Variants in GRIN2A observed in about 807,000 individuals in gnomAD.
The protein encoded by GRIN2A is glutamate receptor ionotropic, NMDA 2A.
Under a neutral mutation model 113.4 loss-of-function variants are expected in GRIN2A, and 22 were observed. The ratio of observed to expected loss-of-function variants is 0.19; its 90% CI spans 0.14 to 0.28. The LOEUF is 0.28. Ranked by LOEUF, GRIN2A falls within the 10% of genes least tolerant of loss-of-function variation. The probability of loss-of-function intolerance (pLI) is 1.00; values close to 1 mark genes in which losing one functional copy is unlikely to be tolerated. For synonymous variants in GRIN2A, 827 were observed against 738.4 expected, an observed-to-expected ratio of 1.12 and a Z score of -1.94; for missense variants, 1,502 against 1,887.0, an observed-to-expected ratio of 0.80 and a Z score of 3.78.
intron 2 of GRIN2A, among the ~76,000 whole-genome samples, chr16:10,038,936 C>T (rs1183093537): frequency 6.6e-6 from 1 of 152,006 alleles, no homozygotes; most frequent in East Asian, 1.9e-4. Flanking sequence ...ATAATTGCAA[C>T]TAGTCCTTCA....
chr16:9,964,387 G>T (rs902692209), intron 2 of GRIN2A, among the ~76,000 whole-genome samples: 2 of 152,144 alleles, frequency 1.3e-5, no homozygotes, highest in Non-Finnish European at 2.9e-5. Context: ...TGAGGTTCTT[G>T]TGACAATTTA....
chr16:10,092,528 C>G (rs1474598334), intron 2 of GRIN2A, among the ~76,000 whole-genome samples: 7 of 152,176 alleles, frequency 4.6e-5, no homozygotes, highest in African/African-American at 1.7e-4. Context: ...ATTTTTTTCT[C>G]TCAATGATTT....
At chr16:9,988,446 G>C (rs574528476) in intron 2 of GRIN2A, among the ~76,000 whole-genome samples, 1 of 151,976 alleles carries the variant, frequency 6.6e-6, no homozygotes, top group Non-Finnish European at 1.5e-5. Context: ...TCAAGATACA[G>C]AACACCAGAA....
At chr16:10,011,299 CT>C (rs1182442334) in intron 2 of GRIN2A, among the ~76,000 whole-genome samples, 1 of 152,178 alleles carries the variant, frequency 6.6e-6, no homozygotes, top group African/African-American at 2.4e-5. Context: ...AAGTTCACCC[CT>C]GAATATTTAG....
At chr16:10,171,144 G>A (rs573524381) in intron 2 of GRIN2A, among the ~76,000 whole-genome samples, 9 of 151,974 alleles carry the variant, frequency 5.9e-5, no homozygotes, top group African/African-American at 9.7e-5. Context: ...AAATGTATTC[G>A]TAGTCATTAA....
At position 9,990,563 on chromosome 16, in the gene GRIN2A, G is replaced by GCA. The variant is rs71157799; in HGVS notation, c.415-52014_415-52013dup. Among the ~76,000 whole-genome samples, 542 of 124,458 alleles carry GCA rather than the reference G, an allele frequency of 4.4e-3. 4 individuals carry two copies. The highest frequency in any genetic ancestry group is 0.011 in the African/African-American group (357 of 31,864). The allele number at this position is 124,458 out of a possible 152,430, so 81.6% of individuals were successfully genotyped here. ...TCTCTACACGCGCGCGCGCGCGCGC[G>GCA]CACACACACACACACACACACACAC... On this transcript the variant is annotated intron_variant, in intron 2 of 12. Transcript: ENST00000330684.
chr16:10,036,117 T>A (rs760217661), intron 2 of GRIN2A, among the ~76,000 whole-genome samples: 1 of 151,218 alleles, frequency 6.6e-6, no homozygotes, highest in South Asian at 2.1e-4. Context: ...ATGATCTCAC[T>A]TGCATAACTG....
intron 3 of GRIN2A, among the ~76,000 whole-genome samples, chr16:9,908,967 T>G (rs535016229): frequency 2.6e-5 from 4 of 152,190 alleles, no homozygotes; most frequent in African/African-American, 7.2e-5. Flanking sequence ...GAGTGAGAGG[T>G]TGACTTAAGC....
intron 2 of GRIN2A, among the ~76,000 whole-genome samples, chr16:10,148,698 T>C (rs2049498034): frequency 6.6e-6 from 1 of 152,182 alleles, no homozygotes; most frequent in Non-Finnish European, 1.5e-5. Flanking sequence ...AGCTAACATA[T>C]GACCCAGCAA....
At chr16:10,024,677 T>G (rs1003822019) in intron 2 of GRIN2A, among the ~76,000 whole-genome samples, 10 of 152,178 alleles carry the variant, frequency 6.6e-5, no homozygotes, top group African/African-American at 2.4e-4. Context: ...ATTCAAGCCA[T>G]GGATTTAGTG....
chr16:10,049,621 C>T (rs955591244), intron 2 of GRIN2A, among the ~76,000 whole-genome samples: 4 of 152,164 alleles, frequency 2.6e-5, no homozygotes, highest in African/African-American at 9.7e-5. Context: ...TCAGGTGATC[C>T]ACCCGCCTTG....
intron 2 of GRIN2A, chr16:10,112,836 G>A (rs886491912): frequency 3.5e-5 from 21 of 607,774 alleles, no homozygotes; most frequent in South Asian, 7.7e-5. Context: ...AGCCCAGATC[G>A]AGGGTGGCGT....
chr16:10,179,893 C>CCCCAAAAAAAAAAAAA, intron 2 of GRIN2A, 105 bp downstream of exon 2: 4 of 719,812 alleles, frequency 5.6e-6, no homozygotes, highest in East Asian at 3.6e-5. Context: ...CCCCCACCCC[C>CCCCAAAAAAAAAAAAA]ACTTCACATC....
intron 10 of GRIN2A, among the ~76,000 whole-genome samples, chr16:9,811,992 A>C (rs2042094891): frequency 6.6e-6 from 1 of 152,228 alleles, no homozygotes; most frequent in South Asian, 2.1e-4. Context: ...ACAGTAGTAA[A>C]GATTTTAAAG....
intron 3 of GRIN2A, among the ~76,000 whole-genome samples, chr16:9,925,894 A>G (rs1398131728): frequency 6.6e-6 from 1 of 152,216 alleles, no homozygotes; most frequent in Non-Finnish European, 1.5e-5. Context: ...TGAAACCCCC[A>G]GTATGACTAA....
At chr16:9,871,692 T>C (rs562646253) in intron 4 of GRIN2A, among the ~76,000 whole-genome samples, 282 of 152,284 alleles carry the variant, frequency 1.9e-3, no homozygotes, top group African/African-American at 5.4e-3. Flanking sequence ...TATGTACCAT[T>C]TGGGGTTGTA....
intron 2 of GRIN2A, among the ~76,000 whole-genome samples, chr16:10,130,974 AC>A (rs879653273): frequency 3.9e-5 from 6 of 152,148 alleles, no homozygotes; most frequent in Admixed American, 6.5e-5. Flanking sequence ...CAATATAAAA[AC>A]CAGTGCCCTC....
chr16:9,898,075 TG>T (rs61201151), intron 3 of GRIN2A, among the ~76,000 whole-genome samples: 29,984 of 136,472 alleles, frequency 0.22, 3,174 homozygotes, highest in African/African-American at 0.32. Context: ...TTTTTTTTTT[TG>T]CAAAAATGGA....
intron 2 of GRIN2A, among the ~76,000 whole-genome samples, chr16:10,095,264 A>G (rs2048265956): frequency 6.6e-6 from 1 of 152,218 alleles, no homozygotes; most frequent in Non-Finnish European, 1.5e-5. Flanking sequence ...TTGTTGTTTA[A>G]GACACCCAGT....
Sources: allele counts gnomAD v4.1 joint callset (sites outside exome capture counted in the v4.1 genomes callset), GRCh38; gene constraint gnomAD v4.1.1; transcripts MANE v1.5; gene names NCBI Gene and HGNC (gene_info 2026-07-23, HGNC 2026-07-21).